LINGO2: variants seen among roughly 807,000 people sequenced by gnomAD.
LINGO2 encodes the protein leucine rich repeat and Ig domain containing 2, also known as leucine-rich repeat and immunoglobulin-like domain-containing nogo receptor-interacting protein 2.
A neutral mutation model predicts 30.6 loss-of-function variants in LINGO2; 14 were observed. The observed-to-expected ratio is 0.46, with a 90% CI of 0.30 to 0.72. LINGO2 has a LOEUF of 0.72. Ranked by LOEUF, LINGO2 falls within the 30% of genes least tolerant of loss-of-function variation. The pLI is 0.07. For synonymous variants in LINGO2, 317 were observed against 288.5 expected, an observed-to-expected ratio of 1.10 and a Z score of -1.00; for missense variants, 729 against 751.7, an observed-to-expected ratio of 0.97 and a Z score of 0.35.
chr9:28,507,438 C>T (rs1189140444), intron 1 of LINGO2, among the ~76,000 whole-genome samples: 5 of 152,084 alleles, frequency 3.3e-5, no homozygotes, highest in Non-Finnish European at 7.4e-5. Flanking sequence ...CTCTCTTGAA[C>T]TCCAAAATCA....
intron 4 of LINGO2, among the ~76,000 whole-genome samples, chr9:28,085,640 T>A (rs994472400): frequency 2.6e-5 from 4 of 151,928 alleles, no homozygotes; most frequent in Non-Finnish European, 4.4e-5. Context: ...AGGCAGAATA[T>A]CCCTATAATA....
chr9:28,399,990 T>G (rs1822195550), intron 2 of LINGO2, among the ~76,000 whole-genome samples: 1 of 152,166 alleles, frequency 6.6e-6, no homozygotes, highest in Admixed American at 6.5e-5. Flanking sequence ...TGGTCTATGG[T>G]GTCCAAAAAG....
intron 2 of LINGO2, among the ~76,000 whole-genome samples, chr9:28,416,037 T>G: frequency 6.6e-6 from 1 of 152,146 alleles, no homozygotes; most frequent in East Asian, 1.9e-4. Flanking sequence ...GCTCAACTTT[T>G]CATTTGTATA....
At chr9:28,102,092 C>T (rs763853463) in intron 4 of LINGO2, among the ~76,000 whole-genome samples, 2 of 151,904 alleles carry the variant, frequency 1.3e-5, no homozygotes, top group Non-Finnish European at 2.9e-5. Flanking sequence ...ACAGAGACCA[C>T]GTTGGAATCA....
chr9:28,597,939 A>T (rs2135733248), intron 1 of LINGO2, among the ~76,000 whole-genome samples: 1 of 151,648 alleles, frequency 6.6e-6, no homozygotes, highest in South Asian at 2.1e-4. Context: ...TAATTTTTGT[A>T]TTTTTAGTAG....
chr9:28,377,166 A>C (rs1423196324), intron 2 of LINGO2, among the ~76,000 whole-genome samples: 1 of 152,122 alleles, frequency 6.6e-6, no homozygotes, highest in African/African-American at 2.4e-5. Context: ...TTTTCCATAA[A>C]AATTATATAA....
chr9:28,573,859 A>G (rs1823824823), intron 1 of LINGO2, among the ~76,000 whole-genome samples: 1 of 152,186 alleles, frequency 6.6e-6, no homozygotes, highest in Non-Finnish European at 1.5e-5. Flanking sequence ...TTGATGTTAA[A>G]ATATTGCATA....
chr9:28,096,722 C>A (rs1284856334), intron 4 of LINGO2, among the ~76,000 whole-genome samples: 1 of 151,556 alleles, frequency 6.6e-6, no homozygotes, highest in East Asian at 2.0e-4. Flanking sequence ...TGAAGGAGTT[C>A]AAATTGTACT....
chr9:28,489,606 G>A (rs1374625660), intron 1 of LINGO2, among the ~76,000 whole-genome samples: 1 of 152,030 alleles, frequency 6.6e-6, no homozygotes, highest in East Asian at 1.9e-4. Context: ...CTGAGGTTTA[G>A]GAAGATAAGG....
rs555577580 is a variant in LINGO2, at chr9:28,353,993, G to C, written c.-246+18843C>G. ...ACAGGAAGGGGAATATCACACTCTGGGGCCTGTTGTGGGGTGGGTGAGGGG... is the reference window on the plus strand; with the variant it reads ...ACAGGAAGGGGAATATCACACTCTGCGGCCTGTTGTGGGGTGGGTGAGGGG... On this transcript the variant is annotated intron_variant, in intron 3 of 5. Coordinates refer to ENST00000379992, the Ensembl canonical transcript of LINGO2. Among the ~76,000 whole-genome samples the C allele has an allele frequency of 3.9e-5, 6 of 152,200 alleles. 1 individual carries two copies. The South Asian group carries it at 1.2e-3, about 32-fold the overall frequency.
the LINGO2 span, among the ~76,000 whole-genome samples, chr9:28,757,566 A>G: frequency 6.6e-6 from 1 of 151,588 alleles, no homozygotes; most frequent in South Asian, 2.1e-4. Context: ...AAAGAAATAT[A>G]TATAGTTTGT....
intron 4 of LINGO2, among the ~76,000 whole-genome samples, chr9:28,264,036 G>A (rs1246708674): frequency 6.6e-6 from 1 of 150,764 alleles, no homozygotes; most frequent in Admixed American, 6.6e-5. Context: ...GATATACCAC[G>A]AGCTCTCATT....
the LINGO2 span, among the ~76,000 whole-genome samples, chr9:29,066,279 T>C: frequency 0.42 from 63,246 of 151,788 alleles, 13,662 homozygotes; most frequent in African/African-American, 0.53. Flanking sequence ...GAAACAGCAG[T>C]GATACGTCGC....
intron 4 of LINGO2, among the ~76,000 whole-genome samples, chr9:28,028,043 T>C (rs190078816): frequency 2.0e-5 from 3 of 152,198 alleles, no homozygotes; most frequent in African/African-American, 7.2e-5. Flanking sequence ...ATTGAGCAGG[T>C]GTCAAACTGC....
the LINGO2 span, among the ~76,000 whole-genome samples, chr9:28,975,964 AT>A: frequency 2.6e-5 from 4 of 152,280 alleles, no homozygotes; most frequent in Middle Eastern, 3.4e-3. Flanking sequence ...ATCTTAGGTG[AT>A]TGATTTTTAT....
At chr9:28,150,804 T>C (rs1262500085) in intron 4 of LINGO2, among the ~76,000 whole-genome samples, 4 of 152,008 alleles carry the variant, frequency 2.6e-5, no homozygotes, top group Non-Finnish European at 1.5e-5. Context: ...GCCTGTACCA[T>C]CTCCACGAGA....
intron 4 of LINGO2, among the ~76,000 whole-genome samples, chr9:28,259,920 C>A (rs1822507719): frequency 6.6e-6 from 1 of 151,904 alleles, no homozygotes; most frequent in African/African-American, 2.4e-5. Context: ...GCACCAGCAA[C>A]TAACATCTCA....
At chr9:27,940,579 T>C in the LINGO2 span, 1 of 152,218 alleles carries the variant, frequency 6.6e-6, no homozygotes, top group African/African-American at 2.4e-5. Flanking sequence ...GGTTGTACAA[T>C]AAGCTTATCT....
chr9:28,963,543 TACACACACAC>T, the LINGO2 span, among the ~76,000 whole-genome samples: 5 of 140,890 alleles, frequency 3.5e-5, no homozygotes, highest in East Asian at 2.1e-4. Context: ...GGTATATGAA[TACACACACAC>T]ACACACACAC....
Sources: allele counts gnomAD v4.1 joint callset (sites outside exome capture counted in the v4.1 genomes callset), GRCh38; gene constraint gnomAD v4.1.1; transcripts MANE v1.5; gene names NCBI Gene and HGNC (gene_info 2026-07-23, HGNC 2026-07-21).